Variants in PIGU observed in about 807,000 individuals in gnomAD.
The protein encoded by PIGU is phosphatidylinositol glycan anchor biosynthesis class U, also known as GPI-anchor transamidase component PIGU.
In PIGU, 24 loss-of-function variants were observed where a neutral mutation model predicts 49.9. That is an observed-to-expected ratio of 0.48 (90% CI 0.35 to 0.68). The LOEUF is 0.68. PIGU is among the 30% of genes least tolerant of loss of function. The pLI is 0.01. For missense variants in PIGU, 490 were observed against 532.6 expected (o/e 0.92, Z 0.79); for synonymous variants, 220 against 205.7 (o/e 1.07, Z -0.59).
intron 4 of PIGU, 100 bp downstream of exon 4, chr20:34,644,064 C>T: frequency 8.7e-7 from 1 of 1,155,430 alleles, no homozygotes; most frequent in Non-Finnish European, 1.3e-6. Context: ...CTTCCTAGCA[C>T]TTTAAAGCAT....
At chr20:34,562,621 G>A (rs2146686703) in intron 11 of PIGU, 2 of 1,244,154 alleles carry the variant, frequency 1.6e-6, no homozygotes, top group Non-Finnish European at 2.1e-6. Flanking sequence ...GACTCAAAGG[G>A]TTCAATGGTT....
chr20:34,574,525 G>T (rs1983142003), intron 11 of PIGU, among the ~76,000 whole-genome samples: 1 of 152,126 alleles, frequency 6.6e-6, no homozygotes, highest in African/African-American at 2.4e-5. Flanking sequence ...GTACTCCTCA[G>T]CCTGTGACCA....
chr20:34,595,095 C>CAAAAAAAAAAAAAAAAAA (rs71194627), intron 7 of PIGU, among the ~76,000 whole-genome samples: 1 of 71,334 alleles, frequency 1.4e-5, no homozygotes, highest in African/African-American at 5.7e-5. Flanking sequence ...GACTCCGTCT[C>CAAAAAAAAAAAAAAAAAA]AAAAAAAAAA....
intron 6 of PIGU, among the ~76,000 whole-genome samples, chr20:34,630,984 C>T (rs1985686273): frequency 6.6e-6 from 1 of 151,496 alleles, no homozygotes; most frequent in Admixed American, 6.6e-5. Flanking sequence ...GATTACCATA[C>T]ATATAAGAAA....
At chr20:34,594,389 G>A (rs775644335) in intron 7 of PIGU, among the ~76,000 whole-genome samples, 3 of 152,040 alleles carry the variant, frequency 2.0e-5, no homozygotes, top group African/African-American at 4.8e-5. Context: ...ACACAATGGC[G>A]TACTACACAG....
intron 1 of PIGU, among the ~76,000 whole-genome samples, chr20:34,672,700 A>C (rs1987344052): frequency 6.6e-6 from 1 of 151,788 alleles, no homozygotes; most frequent in Non-Finnish European, 1.5e-5. Context: ...AAAAAACAAT[A>C]AAAAACAATT....
rs572375612 is a variant in PIGU at position 34,583,580 on chromosome 20, G to A, written c.926+1857C>T. ...TATTGCCTAGCCAGGAGCAATGTGTGGCTTTGCATGCAGACAATAAAAGCT... is the reference window on the plus strand; with the variant it reads ...TATTGCCTAGCCAGGAGCAATGTGTAGCTTTGCATGCAGACAATAAAAGCT... On this transcript the variant is annotated intron_variant, in intron 9 of 11. Transcript: ENST00000217446. Among the ~76,000 whole-genome samples the A allele has an allele frequency of 7.9e-5, 12 of 152,360 alleles. No homozygotes were observed. The South Asian group carries it at 2.5e-3, about 32-fold the overall frequency.
intron 9 of PIGU, 27 bp from the exon 10 acceptor site, chr20:34,581,699 G>C: frequency 5.0e-6 from 8 of 1,610,652 alleles, no homozygotes; most frequent in Non-Finnish European, 6.8e-6. Flanking sequence ...GAAAGAGAGA[G>C]AGAGATGAGT....
At chr20:34,600,404 G>A (rs985446381) in intron 7 of PIGU, among the ~76,000 whole-genome samples, 15 of 151,122 alleles carry the variant, frequency 9.9e-5, no homozygotes, top group African/African-American at 3.4e-4. Flanking sequence ...AAAAAGAGAA[G>A]AGAAGAGAAG....
At chr20:34,589,104 T>TACACACAC (rs11469162) in intron 7 of PIGU, among the ~76,000 whole-genome samples, 21 of 146,050 alleles carry the variant, frequency 1.4e-4, no homozygotes, top group East Asian at 6.0e-4. Context: ...TACTATTATT[T>TACACACAC]ACACACACAC....
At position 34,645,284 on chromosome 20, in the gene PIGU, C is replaced by A; in HGVS notation, c.246G>T (p.Leu82Phe). Residue 82 changes from leucine (L) to phenylalanine (F), a missense_variant, in exon 3 of 12, where the codon TTG becomes TTT. Coordinates refer to ENST00000217446, the MANE Select transcript of PIGU (RefSeq NM_080476.5). ...LFHFLIDYAELVFMITDALTA... is the reference protein window; with the variant it reads ...LFHFLIDYAEFVFMITDALTA... Reference sequence around the variant, plus strand: ...ATGGAAGGTTACTTACCATAAACACCAATTCAGCATAGTCAATTAGGAAAT... The same window carrying A: ...ATGGAAGGTTACTTACCATAAACACAAATTCAGCATAGTCAATTAGGAAAT... 6.4e-7 allele frequency: 1 copy of A among 1,570,560 alleles called. No homozygotes were observed. Among genetic ancestry groups the A allele is most frequent in the Non-Finnish European group, 8.6e-7 (1 of 1,165,038 alleles).
At chr20:34,615,660 G>A (rs764234966) in intron 7 of PIGU, among the ~76,000 whole-genome samples, 21 of 152,054 alleles carry the variant, frequency 1.4e-4, no homozygotes, top group African/African-American at 2.9e-4. Flanking sequence ...ATCTCACGCC[G>A]TCCTGCTCTG....
chr20:34,630,645 AT>A (rs984462390), intron 6 of PIGU, among the ~76,000 whole-genome samples: 18 of 151,830 alleles, frequency 1.2e-4, no homozygotes, highest in South Asian at 4.2e-4. Flanking sequence ...TTCATTTAAA[AT>A]TTTTTTTTAT....
At chr20:34,621,428 T>G (rs1985221361) in intron 6 of PIGU, among the ~76,000 whole-genome samples, 2 of 152,114 alleles carry the variant, frequency 1.3e-5, no homozygotes, top group Admixed American at 1.3e-4. Flanking sequence ...GCACAGAGAA[T>G]GCTCTCTGTG....
At chr20:34,565,317 G>C (rs1202945652) in intron 11 of PIGU, among the ~76,000 whole-genome samples, 1 of 151,912 alleles carries the variant, frequency 6.6e-6, no homozygotes, top group East Asian at 1.9e-4. Context: ...GAGTGCAATG[G>C]TGTGATCTCA....
chr20:34,614,319 GAAAACAAATA>G (rs143508171), intron 7 of PIGU, among the ~76,000 whole-genome samples: 18,976 of 151,788 alleles, frequency 0.13, 1,569 homozygotes, highest in Middle Eastern at 0.19. Flanking sequence ...AAAAGAAAAA[GAAAACAAATA>G]AAAACAAATT....
Position 34,642,627 on chromosome 20 carries a change from A to G in PIGU, c.318+1537T>C, listed in dbSNP as rs539599815. Among the ~76,000 whole-genome samples, 18 of 147,126 alleles carry G rather than the reference A, an allele frequency of 1.2e-4. 1 individual carries two copies. In the South Asian group the frequency reaches 3.8e-3, roughly 31 times the overall value. ...TACCAATCCTGCCTCAGCTATTCAT[A>G]TCTATATCACACATATATATATCTC... On this transcript the variant is annotated intron_variant, in intron 4 of 11. Coordinates refer to ENST00000217446, the MANE Select transcript of PIGU (RefSeq NM_080476.5).
chr20:34,640,353 A>G (rs542329832), intron 4 of PIGU, among the ~76,000 whole-genome samples: 1 of 152,332 alleles, frequency 6.6e-6, no homozygotes, highest in Non-Finnish European at 1.5e-5. Context: ...CACAGGCACT[A>G]TTATGGCTCT....
At chr20:34,657,920 T>A (rs532290223) in intron 1 of PIGU, among the ~76,000 whole-genome samples, 5 of 151,248 alleles carry the variant, frequency 3.3e-5, no homozygotes, top group South Asian at 4.2e-4. Flanking sequence ...TTATAAATAA[T>A]AAATAACCTC....
Sources: allele counts gnomAD v4.1 joint callset (sites outside exome capture counted in the v4.1 genomes callset), GRCh38; gene constraint gnomAD v4.1.1; transcripts MANE v1.5; gene names NCBI Gene and HGNC (gene_info 2026-07-23, HGNC 2026-07-21).